The following SLC25A21 variants were observed in gnomAD, a reference collection of about 807,000 sequenced individuals.
SLC25A21 encodes the protein solute carrier family 25 member 21, also known as mitochondrial 2-oxodicarboxylate carrier.
Under a neutral mutation model 43.8 loss-of-function variants are expected in SLC25A21, and 47 were observed. The observed-to-expected ratio is 1.07, with a 90% confidence interval of 0.85 to 1.37. The LOEUF (loss-of-function observed/expected upper bound fraction) is 1.37, where lower values mean the gene tolerates loss of function less well. SLC25A21 is among the 40% of genes most tolerant of loss of function. The pLI is 0.00. For synonymous variants in SLC25A21, 131 were observed against 121.3 expected (o/e 1.08, Z -0.52); for missense variants, 352 against 350.2 (o/e 1.00, Z -0.04).
At chr14:36,689,053 C>A (rs1236826511) in intron 7 of SLC25A21, among the ~76,000 whole-genome samples, 6 of 152,190 alleles carry the variant, frequency 3.9e-5, no homozygotes, top group African/African-American at 1.2e-4. Context: ...TAAAGACATA[C>A]CTGAGATTGG....
intron 3 of SLC25A21, among the ~76,000 whole-genome samples, chr14:36,793,455 G>T (rs1307157424): frequency 6.7e-6 from 1 of 149,864 alleles, no homozygotes; most frequent in South Asian, 2.1e-4. Flanking sequence ...ATGCTATCCT[G>T]TACCTTGCAG....
At chr14:37,060,194 G>C (rs1426006005) in intron 1 of SLC25A21, among the ~76,000 whole-genome samples, 2 of 151,740 alleles carry the variant, frequency 1.3e-5, no homozygotes, top group East Asian at 3.9e-4. Context: ...TCAGAAAAGA[G>C]AACACAAAGA....
chr14:37,071,633 A>ACTTCAACTTT (rs1962175388), intron 1 of SLC25A21, among the ~76,000 whole-genome samples: 1 of 152,206 alleles, frequency 6.6e-6, no homozygotes. Context: ...AATTAACTAG[A>ACTTCAACTTT]CTTCAACTTT....
chr14:37,089,119 C>T (rs983689820), intron 1 of SLC25A21, among the ~76,000 whole-genome samples: 1 of 151,982 alleles, frequency 6.6e-6, no homozygotes, highest in Non-Finnish European at 1.5e-5. Context: ...TCTCCACAGT[C>T]CACAAATTTA....
chr14:36,767,532 C>G (rs1043406688), intron 3 of SLC25A21, among the ~76,000 whole-genome samples: 2 of 152,064 alleles, frequency 1.3e-5, no homozygotes, highest in African/African-American at 4.8e-5. Context: ...GGAAAGTCAG[C>G]GTAAAAGTAG....
At chr14:37,144,917 C>A (rs1963634353) in intron 1 of SLC25A21, among the ~76,000 whole-genome samples, 1 of 137,774 alleles carries the variant, frequency 7.3e-6, no homozygotes, top group Admixed American at 7.5e-5. Context: ...ACACGCCCAG[C>A]CTGGGTGGTT....
chr14:37,132,555 T>C (rs566218755), intron 1 of SLC25A21, among the ~76,000 whole-genome samples: 11 of 152,204 alleles, frequency 7.2e-5, no homozygotes, highest in Non-Finnish European at 1.5e-4. Flanking sequence ...CGCCACTGAC[T>C]TCCTTGACAT....
intron 3 of SLC25A21, among the ~76,000 whole-genome samples, chr14:36,766,410 C>T (rs1473513761): frequency 1.3e-5 from 2 of 152,100 alleles, no homozygotes; most frequent in Non-Finnish European, 2.9e-5. Context: ...TACACATTCC[C>T]GTCAGACTGA....
chr14:36,809,523 A>C (rs1366705282), intron 3 of SLC25A21, among the ~76,000 whole-genome samples: 4 of 152,144 alleles, frequency 2.6e-5, no homozygotes, highest in Admixed American at 2.6e-4. Flanking sequence ...TTTAAGAAGA[A>C]AAAAATGTTA....
At chr14:36,759,023 C>G (rs1886042514) in intron 3 of SLC25A21, among the ~76,000 whole-genome samples, 1 of 152,172 alleles carries the variant, frequency 6.6e-6, no homozygotes, top group African/African-American at 2.4e-5. Flanking sequence ...AGCTCATGTT[C>G]ATTCTGAGCT....
rs751607788 is a variant in SLC25A21, at chr14:36,684,751, C to G, written c.778G>C (p.Glu260Gln). The G allele has an allele frequency of 1.2e-6, 2 of 1,605,000 alleles. No homozygotes were observed. The highest frequency in any genetic ancestry group is 3.4e-5 in the Admixed American group (2 of 58,358). The change falls in exon 8 of 10, where the codon GAA (glutamate) becomes CAA (glutamine). Residue 260 changes from glutamate (E) to glutamine (Q), a missense_variant. Transcript: ENST00000331299. Reference protein sequence around the residue: ...CFKTMATVYQEEGILALYKGL... With the variant: ...CFKTMATVYQQEGILALYKGL... The stretch of plus-strand genomic sequence containing the variant: ...AAGAATGTGTTATGTTACCCTTCTT[C>G]CTGATAGACTGTTGCCATTGTTTTA...
At chr14:37,143,683 CATT>C (rs974051575) in intron 1 of SLC25A21, among the ~76,000 whole-genome samples, 2 of 151,890 alleles carry the variant, frequency 1.3e-5, no homozygotes, top group Non-Finnish European at 2.9e-5. Flanking sequence ...ATTTCATCAT[CATT>C]GTCAGCATGG....
At chr14:37,056,096 C>A (rs1296265421) in intron 1 of SLC25A21, among the ~76,000 whole-genome samples, 8 of 152,172 alleles carry the variant, frequency 5.3e-5, no homozygotes, top group Non-Finnish European at 1.0e-4. Context: ...TGAAGATGTG[C>A]CCTCTTCCCC....
chr14:36,886,769 C>G (rs1890926550), intron 1 of SLC25A21, among the ~76,000 whole-genome samples: 1 of 152,048 alleles, frequency 6.6e-6, no homozygotes, highest in Non-Finnish European at 1.5e-5. Context: ...AAGTCAATTT[C>G]AGCTCAATAT....
intron 1 of SLC25A21, among the ~76,000 whole-genome samples, chr14:37,034,913 C>G (rs994487067): frequency 6.6e-6 from 1 of 152,156 alleles, no homozygotes; most frequent in Non-Finnish European, 1.5e-5. Flanking sequence ...TAAATCCCTG[C>G]CTAATAGGAG....
At chr14:37,145,476 C>CACACACACACACAG (rs780734735) in intron 1 of SLC25A21, among the ~76,000 whole-genome samples, 2 of 143,566 alleles carry the variant, frequency 1.4e-5, no homozygotes, top group African/African-American at 5.3e-5. Flanking sequence ...CACACACACA[C>CACACACACACACAG]AGAGAGATGA....
intron 1 of SLC25A21, among the ~76,000 whole-genome samples, chr14:36,946,025 T>C (rs1289970882): frequency 6.6e-6 from 1 of 152,204 alleles, no homozygotes; most frequent in East Asian, 1.9e-4. Flanking sequence ...ATGTACCTAT[T>C]ATGTGAATGC....
chr14:37,142,487 A>T (rs145681599), intron 1 of SLC25A21, among the ~76,000 whole-genome samples: 226 of 152,268 alleles, frequency 1.5e-3, no homozygotes, highest in Middle Eastern at 6.8e-3. Context: ...CAGCCTCTCA[A>T]GTAGCTGGGA....
At chr14:36,840,157 T>C (rs1301192134) in intron 2 of SLC25A21, among the ~76,000 whole-genome samples, 2 of 151,988 alleles carry the variant, frequency 1.3e-5, no homozygotes, top group Non-Finnish European at 2.9e-5. Context: ...TTGATAGGCT[T>C]CATTATCATA....
Sources: allele counts gnomAD v4.1 joint callset (sites outside exome capture counted in the v4.1 genomes callset), GRCh38; gene constraint gnomAD v4.1.1; transcripts MANE v1.5; gene names NCBI Gene and HGNC (gene_info 2026-07-23, HGNC 2026-07-21).